Variants in KDM4C observed in about 807,000 individuals in gnomAD.
KDM4C encodes the protein lysine-specific demethylase 4C.
A neutral mutation model predicts 129.3 loss-of-function variants in KDM4C; 81 were observed. The ratio of observed to expected loss-of-function variants is 0.63; its 90% CI spans 0.52 to 0.75. The LOEUF (loss-of-function observed/expected upper bound fraction) is 0.75. KDM4C is among the 30% of genes least tolerant of loss of function. The pLI, the probability that KDM4C is intolerant of heterozygous loss-of-function variation, is 0.00. For missense variants in KDM4C, 1,457 were observed against 1,304.0 expected (o/e 1.12, Z -1.81); for synonymous variants, 573 against 456.1 (o/e 1.26, Z -3.26).
rs146554561 is a variant in KDM4C, at chr9:7,084,832, T to A, written c.2425-18853T>A. On this transcript the variant is annotated intron_variant, in intron 17 of 21. Coordinates refer to ENST00000381309, the MANE Select transcript of KDM4C (RefSeq NM_015061.6). ...GTTCCAGTTCCTGAGCAGTTCCTTA[T>A]AAAGATGAACAAGAACATATGGGTT... 6.7e-4 allele frequency among the ~76,000 whole-genome samples: 102 copies of A among 152,326 alleles called. 1 individual carries two copies. Among genetic ancestry groups the A allele is most frequent in the African/African-American group, 2.3e-3 (94 of 41,570 alleles).
At chr9:6,823,431 C>G (rs1833368455) in intron 4 of KDM4C, among the ~76,000 whole-genome samples, 1 of 152,176 alleles carries the variant, frequency 6.6e-6, no homozygotes, top group Non-Finnish European at 1.5e-5. Flanking sequence ...GTGTGTGTAA[C>G]CATCTTTGAT....
At chr9:6,742,378 A>T (rs1387441156) in intron 1 of KDM4C, among the ~76,000 whole-genome samples, 1 of 151,530 alleles carries the variant, frequency 6.6e-6, no homozygotes, top group Non-Finnish European at 1.5e-5. Flanking sequence ...CTCAATTTGG[A>T]TTCATTTGGA....
chr9:7,037,402 C>G (rs1376916707), intron 15 of KDM4C, among the ~76,000 whole-genome samples: 3 of 152,136 alleles, frequency 2.0e-5, no homozygotes, highest in African/African-American at 7.2e-5. Context: ...TTTCCCTCGG[C>G]TGCAAATAAT....
At chr9:6,925,707 C>CT (rs1563823968) in intron 8 of KDM4C, 7 of 895,726 alleles carry the variant, frequency 7.8e-6, no homozygotes, top group Non-Finnish European at 9.4e-6. Flanking sequence ...GTTTTTCTTT[C>CT]TTTTTTTCAT....
At chr9:6,974,438 C>T (rs1262825366) in intron 8 of KDM4C, among the ~76,000 whole-genome samples, 2 of 152,202 alleles carry the variant, frequency 1.3e-5, no homozygotes, top group Non-Finnish European at 2.9e-5. Context: ...CGGCTCACTG[C>T]AACCTACGCC....
At chr9:7,003,076 G>C (rs1427904388) in intron 12 of KDM4C, among the ~76,000 whole-genome samples, 1 of 152,252 alleles carries the variant, frequency 6.6e-6, no homozygotes, top group East Asian at 1.9e-4. Flanking sequence ...ATGTTTGTCA[G>C]GCTGGTCTCG....
At chr9:6,881,358 A>G (rs962513745) in intron 6 of KDM4C, among the ~76,000 whole-genome samples, 1 of 152,214 alleles carries the variant, frequency 6.6e-6, no homozygotes, top group Non-Finnish European at 1.5e-5. Context: ...ATGTAATTGT[A>G]ATCTTGAACT....
chr9:6,939,903 G>T (rs1825535199), intron 8 of KDM4C, among the ~76,000 whole-genome samples: 1 of 151,676 alleles, frequency 6.6e-6, no homozygotes, highest in African/African-American at 2.4e-5. Flanking sequence ...TTATCCTGTG[G>T]GTAGAAACCA....
intron 1 of KDM4C, among the ~76,000 whole-genome samples, chr9:6,789,688 A>G (rs1826167203): frequency 6.6e-6 from 1 of 151,532 alleles, no homozygotes; most frequent in Non-Finnish European, 1.5e-5. Context: ...CTTCTAAAGG[A>G]CTGTGTGTAT....
chr9:6,904,343 T>TA (rs1322439993), intron 8 of KDM4C, among the ~76,000 whole-genome samples: 2 of 152,188 alleles, frequency 1.3e-5, no homozygotes, highest in African/African-American at 2.4e-5. Context: ...GGGTTATAGA[T>TA]ACTTACTACA....
chr9:6,942,708 C>T (rs1056757183), intron 8 of KDM4C: 1 of 152,036 alleles, frequency 6.6e-6, no homozygotes. Context: ...TGTGTACTTC[C>T]TTAAATTAAG....
At chr9:6,912,190 C>G (rs1473116270) in intron 8 of KDM4C, among the ~76,000 whole-genome samples, 1 of 152,196 alleles carries the variant, frequency 6.6e-6, no homozygotes, top group Admixed American at 6.5e-5. Flanking sequence ...GCCCCTTCCT[C>G]CTTTCCTGCC....
chr9:6,782,395 C>T (rs565278902), intron 1 of KDM4C, among the ~76,000 whole-genome samples: 1 of 152,242 alleles, frequency 6.6e-6, no homozygotes, highest in South Asian at 2.1e-4. Flanking sequence ...ATCTTCTGCT[C>T]CTACTAACTT....
At chr9:6,814,490 G>A in intron 3 of KDM4C, 141 bp from the exon 4 acceptor site, 2 of 529,380 alleles carry the variant, frequency 3.8e-6, no homozygotes, top group Non-Finnish European at 6.7e-6. Context: ...CAGTTTGTAT[G>A]TTTACTTGTT....
intron 19 of KDM4C, among the ~76,000 whole-genome samples, chr9:7,156,366 C>G (rs1255022445): frequency 6.6e-6 from 1 of 152,192 alleles, no homozygotes; most frequent in East Asian, 1.9e-4. Flanking sequence ...AATTTCATGC[C>G]ATTTGTCAAT....
intron 1 of KDM4C, among the ~76,000 whole-genome samples, chr9:6,787,085 C>A (rs770622718): frequency 1.4e-4 from 22 of 152,096 alleles, no homozygotes; most frequent in Non-Finnish European, 2.5e-4. Flanking sequence ...TTTGTGTAAT[C>A]AAGGGAGTAG....
At chr9:6,893,074 T>TA (rs1588967556) in intron 7 of KDM4C, 21 bp from the exon 8 acceptor site, 2 of 1,469,262 alleles carry the variant, frequency 1.4e-6, no homozygotes, top group East Asian at 5.0e-5. Context: ...TACAAAATAT[T>TA]ATATGTTTCC....
chr9:7,056,995 G>A (rs183486854), intron 17 of KDM4C, among the ~76,000 whole-genome samples: 1 of 152,274 alleles, frequency 6.6e-6, no homozygotes, highest in East Asian at 1.9e-4. Context: ...GGTCAACAGT[G>A]ATTGAAAGCA....
At chr9:7,069,704 T>A (rs563485085) in intron 17 of KDM4C, among the ~76,000 whole-genome samples, 1 of 152,340 alleles carries the variant, frequency 6.6e-6, no homozygotes, top group East Asian at 1.9e-4. Context: ...TGTAATTTTA[T>A]CACATGGAAA....
Sources: gnomAD v4.1 joint callset for allele counts (sites outside exome capture counted in the v4.1 genomes callset) on GRCh38, gnomAD v4.1.1 for gene constraint, MANE v1.5 for transcripts, NCBI Gene and HGNC (gene_info 2026-07-23, HGNC 2026-07-21) for gene names.